Variants in ARHGAP30 observed in about 807,000 individuals in gnomAD.
ARHGAP30 encodes the protein rho GTPase-activating protein 30.
Under a neutral mutation model 72.0 loss-of-function variants are expected in ARHGAP30, and 23 were observed. The observed-to-expected ratio is 0.32, with a 90% confidence interval of 0.23 to 0.45. The LOEUF is 0.45. Ranked by LOEUF, ARHGAP30 falls within the 20% of genes least tolerant of loss-of-function variation. ARHGAP30 has a pLI of 1.00. For synonymous variants in ARHGAP30, 576 were observed against 528.2 expected, an observed-to-expected ratio of 1.09 and a Z score of -1.24; for missense variants, 1,319 against 1,383.4, an observed-to-expected ratio of 0.95 and a Z score of 0.74.
intron 5 of ARHGAP30, 111 bp downstream of exon 5, chr1:161,054,255 G>A: frequency 1.0e-6 from 1 of 978,084 alleles, no homozygotes; most frequent in South Asian, 1.4e-5. Context: ...GGCTTTGTGA[G>A]CCCTACACCC....
chr1:161,051,507 A>G lies in ARHGAP30; in HGVS notation c.1227T>C (p.Gly409=). 1.2e-6 allele frequency: 2 copies of G among 1,614,224 alleles called. No individual in the cohort carries two copies. The highest frequency in any genetic ancestry group is 2.2e-5 in the East Asian group (1 of 44,890). Residue 409 remains glycine (G), a synonymous_variant, in exon 10 of 12, where the codon GGT becomes GGC. Coordinates refer to ENST00000368013, the MANE Select transcript of ARHGAP30 (RefSeq NM_001025598.2). ...GGSSRAERCA[G]VHISDPYNVN... The stretch of plus-strand genomic sequence containing the variant: ...CATTGTAGGGGTCTGAGATGTGGAC[A>G]CCAGCACAGCGTTCTGCACGGCTGC...
Position 161,069,437 on chromosome 1 carries a change from C to G in ARHGAP30, c.97+91G>C. 1 of 1,351,798 alleles carries G rather than the reference C, an allele frequency of 7.4e-7. No homozygotes were observed. The highest frequency in any genetic ancestry group is 1.4e-5 in the African/African-American group (1 of 69,750). The allele number at this position is 1,351,798 out of a possible 1,614,324, so 83.7% of individuals were successfully genotyped here. ...GCCACTGCCCCTTCCCCAGGAGCAC[C>G]GGAAACTGCTTCTGCCCTTCAGGCT... On this transcript the variant is annotated intron_variant, in intron 1 of 11. Transcript: ENST00000368013. The surrounding 1 kb of genome is among the most constrained non-coding windows in gnomAD (Gnocchi z 4.9).
intron 1 of ARHGAP30, chr1:161,060,313 G>C: frequency 5.2e-6 from 2 of 385,242 alleles, no homozygotes; most frequent in South Asian, 3.7e-5. Context: ...TATCTCTCTT[G>C]GGCCAGGTGC....
Position 161,048,006 on chromosome 1 carries a change from C to G in ARHGAP30, c.3015G>C (p.Arg1005=). The G allele has an allele frequency of 6.2e-7, 1 of 1,614,158 alleles. No homozygotes were observed. The highest frequency in any genetic ancestry group is 1.1e-5 in the South Asian group (1 of 91,082). The part of the protein sequence containing the change: ...LSFDAAVALA[R]DRQRTEAQGV... ...CTTGAGCCTCAGTCCTTTGGCGGTC[C>G]CGGGCTAGGGCCACAGCAGCATCAA... Residue 1005 remains arginine (R), a synonymous_variant, in exon 12 of 12, where the codon CGG becomes CGC. Transcript: ENST00000368013.
In ARHGAP30 at chr1:161,048,200, G is replaced by A; in HGVS notation, c.2821C>T (p.Pro941Ser). The A allele has an allele frequency of 1.9e-5, 31 of 1,614,160 alleles. No homozygotes were observed. The highest frequency in any genetic ancestry group is 2.5e-5 in the Non-Finnish European group (30 of 1,180,032). Residue 941 changes from proline to serine, a missense_variant, in exon 12 of 12, where the codon CCC (proline) becomes TCC (serine). Coordinates refer to ENST00000368013, the MANE Select transcript of ARHGAP30 (RefSeq NM_001025598.2). ...VQQVRSVPVV[P>S]PKPQFAKMPS... is the part of the protein sequence containing the mutation. Reference sequence around the variant, plus strand: ...ATCTTGGCAAACTGTGGCTTGGGGGGCACCACAGGCACAGAGCGGACCTGT... The same window carrying A: ...ATCTTGGCAAACTGTGGCTTGGGGGACACCACAGGCACAGAGCGGACCTGT...
At chr1:161,050,039 C>T (rs1170988335) in intron 10 of ARHGAP30, among the ~76,000 whole-genome samples, 1 of 152,078 alleles carries the variant, frequency 6.6e-6, no homozygotes, top group African/African-American at 2.4e-5. Flanking sequence ...AAATTTGAAC[C>T]CAAGTCTACT....
At chr1:161,056,884 A>G (rs1022316008) in intron 2 of ARHGAP30, among the ~76,000 whole-genome samples, 1 of 152,162 alleles carries the variant, frequency 6.6e-6, no homozygotes, top group Non-Finnish European at 1.5e-5. Context: ...GGATGGGTAT[A>G]ACTCTTAGAA....
intron 1 of ARHGAP30, among the ~76,000 whole-genome samples, chr1:161,060,514 T>C (rs1259935076): frequency 6.6e-6 from 1 of 150,446 alleles, no homozygotes. Context: ...AGAGAATCAC[T>C]TGAACCAGGA....
At position 161,064,813 on chromosome 1, in the gene ARHGAP30, AAG is replaced by A. The variant is rs1357112298; in HGVS notation, c.97+4713_97+4714del. Among the ~76,000 whole-genome samples, 4 of 77,984 alleles carry A rather than the reference AAG, an allele frequency of 5.1e-5. No individual in the cohort carries two copies. The East Asian group carries it at 1.1e-3, about 21-fold the overall frequency. 51.2% of individuals were successfully genotyped at this position (77,984 alleles called of 152,430 possible). A position where few individuals can be genotyped will look rare whatever the true frequency, so the allele number is the denominator to read the frequency against. ...AAAGAAAGAAAGAAAGAAAGAAAGAAAGAAAGAAAGAAAGAAAGAGAAAGAAA... is the reference window on the plus strand; with the variant it reads ...AAAGAAAGAAAGAAAGAAAGAAAGAAAAAGAAAGAAAGAAAGAGAAAGAAA... On this transcript the variant is annotated intron_variant, in intron 1 of 11. Coordinates refer to ENST00000368013, the MANE Select transcript of ARHGAP30 (RefSeq NM_001025598.2).
In ARHGAP30 at chr1:161,069,683, C is replaced by A; in HGVS notation, c.-59G>T. 1 of 1,562,170 alleles carries A rather than the reference C, an allele frequency of 6.4e-7. No individual in the cohort carries two copies. The highest frequency in any genetic ancestry group is 8.7e-7 in the Non-Finnish European group (1 of 1,144,844). On this transcript the variant is annotated 5_prime_UTR_variant, in exon 1 of 12. Transcript: ENST00000368013. This position sits in a 1 kb window ranked among gnomAD's most constrained non-coding sequence, Gnocchi z 4.9. ...CTATCCCCCAAGACCTGTGCCCTAC[C>A]AGTCCCCCATGGGATCCCAGCCAGC... is the stretch of plus-strand genomic sequence containing the variant.
At chr1:161,063,317 G>A (rs2102066135) in intron 1 of ARHGAP30, among the ~76,000 whole-genome samples, 1 of 152,248 alleles carries the variant, frequency 6.6e-6, no homozygotes, top group East Asian at 1.9e-4. Context: ...AGAAGAACGT[G>A]GATTGTGAAG....
At chr1:161,053,663 T>C (rs528233611) in intron 5 of ARHGAP30, among the ~76,000 whole-genome samples, 2 of 152,342 alleles carry the variant, frequency 1.3e-5, no homozygotes, top group Non-Finnish European at 1.5e-5. Flanking sequence ...TAGTTTATAA[T>C]GAATTTTATA....
chr1:161,056,277 C>CT, intron 3 of ARHGAP30, 111 bp downstream of exon 3: 1 of 1,423,202 alleles, frequency 7.0e-7, no homozygotes, highest in African/African-American at 1.4e-5. Context: ...TCTGTGGTCT[C>CT]TGTCATTCAG....
At chr1:161,060,349 A>G (rs570203383) in intron 1 of ARHGAP30, 154 of 320,570 alleles carry the variant, frequency 4.8e-4, no homozygotes, top group Non-Finnish European at 9.0e-4. Context: ...TAATCCCAAC[A>G]CTTTGGGAGG....
intron 2 of ARHGAP30, among the ~76,000 whole-genome samples, chr1:161,058,992 A>T (rs1176865635): frequency 6.6e-6 from 1 of 152,124 alleles, no homozygotes; most frequent in Non-Finnish European, 1.5e-5. Flanking sequence ...ATACATTTTT[A>T]AATGGTGAAT....
At chr1:161,059,814 G>C in intron 1 of ARHGAP30, 98 bp from the exon 2 acceptor site, 1 of 989,060 alleles carries the variant, frequency 1.0e-6, no homozygotes, top group Non-Finnish European at 1.5e-6. Flanking sequence ...AGACCACGAC[G>C]AGCAAAGCTC....
In ARHGAP30 at chr1:161,051,508, C is replaced by T; in HGVS notation, c.1226G>A (p.Gly409Asp). The T allele has an allele frequency of 6.2e-7, 1 of 1,614,214 alleles. No homozygotes were observed. Among genetic ancestry groups the T allele is most frequent in the Non-Finnish European group, 8.5e-7 (1 of 1,180,034 alleles). ...ATTGTAGGGGTCTGAGATGTGGACACCAGCACAGCGTTCTGCACGGCTGCT... is the reference window on the plus strand; with the variant it reads ...ATTGTAGGGGTCTGAGATGTGGACATCAGCACAGCGTTCTGCACGGCTGCT... ...GGSSRAERCA[G>D]VHISDPYNVN... Residue 409 changes from glycine (G) to aspartate (D), a missense_variant, in exon 10 of 12, where the codon GGT becomes GAT. By Grantham distance (94) the Gly-to-Asp change is moderately conservative. This residue lies in a region of ARHGAP30 where 1,097 missense variants were observed against 1,045.2 expected (regional missense o/e 1.05). Transcript: ENST00000368013.
chr1:161,053,228 G>A (rs1651550714), intron 6 of ARHGAP30, 30 bp downstream of exon 6: 2 of 1,612,440 alleles, frequency 1.2e-6, no homozygotes, highest in African/African-American at 1.3e-5. Context: ...CCCAACAGTG[G>A]GATATGTGGA....
chr1:161,053,352 C>T lies in ARHGAP30; in HGVS notation c.570G>A (p.Gly190=). Residue 190 remains glycine, a synonymous_variant, in exon 6 of 12, where the codon GGG becomes GGA. Coordinates refer to ENST00000368013, the MANE Select transcript of ARHGAP30 (RefSeq NM_001025598.2). ...SKDIEASGFN[G]TAAFMEVRVQ... Reference sequence around the variant, plus strand: ...CCCGCACCTCCATGAAGGCCGCTGTCCCATTGAAGCCTGAGGCCTCTATGT... The same window carrying T: ...CCCGCACCTCCATGAAGGCCGCTGTTCCATTGAAGCCTGAGGCCTCTATGT... 1 of 1,614,020 alleles carries T rather than the reference C, an allele frequency of 6.2e-7. No individual in the cohort carries two copies. The highest frequency in any genetic ancestry group is 2.2e-5 in the East Asian group (1 of 44,874).
Sources: gnomAD v4.1 joint callset for allele counts (sites outside exome capture counted in the v4.1 genomes callset) on GRCh38, gnomAD v4.1.1 for gene constraint, gnomAD v4.1.1 regional missense constraint, Gnocchi (gnomAD v3.1) non-coding constraint, MANE v1.5 for transcripts, NCBI Gene and HGNC (gene_info 2026-07-23, HGNC 2026-07-21) for gene names.